CELF2: variants seen among roughly 807,000 people sequenced by gnomAD.
CELF2 encodes CUGBP Elav-like family member 2.
Under a neutral mutation model 62.6 loss-of-function variants are expected in CELF2, and 8 were observed. The ratio of observed to expected loss-of-function variants is 0.13; its 90% CI spans 0.07 to 0.23. The LOEUF is 0.23. CELF2 is among the 10% of genes least tolerant of loss of function. The probability of loss-of-function intolerance (pLI) is 1.00; values close to 1 mark genes in which losing one functional copy is unlikely to be tolerated. For missense variants in CELF2, 333 were observed against 671.0 expected (o/e 0.50, Z 5.56); for synonymous variants, 258 against 250.0 (o/e 1.03, Z -0.30).
At chr10:10,526,820 A>G in the CELF2 span, among the ~76,000 whole-genome samples, 2 of 152,246 alleles carry the variant, frequency 1.3e-5, no homozygotes, top group African/African-American at 4.8e-5. Flanking sequence ...TCCTTTCTAC[A>G]GAACGTTGTT....
At chr10:10,585,552 G>T in the CELF2 span, among the ~76,000 whole-genome samples, 2 of 152,170 alleles carry the variant, frequency 1.3e-5, no homozygotes. Context: ...CAGTATTTGT[G>T]CAACATTTAA....
At chr10:10,690,620 C>T in the CELF2 span, among the ~76,000 whole-genome samples, 1 of 152,150 alleles carries the variant, frequency 6.6e-6, no homozygotes, top group African/African-American at 2.4e-5. Context: ...TGGTGCATGC[C>T]TATAATCTCA....
At chr10:10,618,581 A>G in the CELF2 span, among the ~76,000 whole-genome samples, 1 of 152,056 alleles carries the variant, frequency 6.6e-6, no homozygotes, top group Non-Finnish European at 1.5e-5. Flanking sequence ...GGGCACTGAA[A>G]TGGCCTCTCA....
chr10:11,149,692 A>G lies in CELF2; in HGVS notation c.75-15794A>G, dbSNP rs1023955132. Among the ~76,000 whole-genome samples the G allele has an allele frequency of 3.9e-5, 6 of 152,170 alleles. No homozygotes were observed. The East Asian group carries it at 9.7e-4, about 24-fold the overall frequency. On this transcript the variant is annotated intron_variant, in intron 1 of 12. Coordinates refer to ENST00000633077, the MANE Select transcript of CELF2 (RefSeq NM_001326342.2). ...TTCTCATGTTCCTGTGTGCTGAGGT[A>G]GAACGTTTCCAAGCTGTCCACAGAG...
Position 11,165,089 on chromosome 10 carries a change from A to G in CELF2, c.75-397A>G, listed in dbSNP as rs1596457261. On this transcript the variant is annotated intron_variant, in intron 1 of 12. Coordinates refer to ENST00000633077, the MANE Select transcript of CELF2 (RefSeq NM_001326342.2). The surrounding 1 kb of genome is among the most constrained non-coding windows in gnomAD (Gnocchi z 7.4). ...AGGGAGAGAAATCCAGCAGACATCT[A>G]GCTCTGCCTTTCTTTCCCAGCCACA... The G allele has an allele frequency of 1.0e-6, 1 of 997,586 alleles. No individual in the cohort carries two copies. The highest frequency in any genetic ancestry group is 1.2e-6 in the Non-Finnish European group (1 of 837,190). The allele number at this position is 997,586 out of a possible 1,614,324, so 61.8% of individuals were successfully genotyped here. A position where few individuals can be genotyped will look rare whatever the true frequency, so the allele number is the denominator to read the frequency against.
chr10:11,049,558 TAAAAAAAAAA>T (rs368708381), intron 1 of CELF2, among the ~76,000 whole-genome samples: 5 of 96,898 alleles, frequency 5.2e-5, no homozygotes, highest in Non-Finnish European at 8.0e-5. Flanking sequence ...CTTTCTTTAG[TAAAAAAAAAA>T]AAAAAAAAAA....
At chr10:10,714,165 TC>T in the CELF2 span, among the ~76,000 whole-genome samples, 1 of 152,180 alleles carries the variant, frequency 6.6e-6, no homozygotes, top group African/African-American at 2.4e-5. Flanking sequence ...ATATTAAACA[TC>T]TTTTGGCCAC....
chr10:10,732,838 G>A, the CELF2 span, among the ~76,000 whole-genome samples: 2 of 151,994 alleles, frequency 1.3e-5, no homozygotes. Flanking sequence ...ATTCTTTTTT[G>A]TGGAAAAGTC....
At chr10:10,751,821 G>C in the CELF2 span, among the ~76,000 whole-genome samples, 1 of 152,168 alleles carries the variant, frequency 6.6e-6, no homozygotes, top group Non-Finnish European at 1.5e-5. Flanking sequence ...TTTCCAATTT[G>C]CGAATGGAAA....
intron 2 of CELF2, among the ~76,000 whole-genome samples, chr10:10,941,009 A>G (rs771067841): frequency 6.6e-6 from 1 of 152,142 alleles, no homozygotes; most frequent in African/African-American, 2.4e-5. Flanking sequence ...AGTCAGGGTG[A>G]TCTTTTATCT....
intron 2 of CELF2, among the ~76,000 whole-genome samples, chr10:10,976,801 CCT>C (rs759393593): frequency 6.6e-6 from 1 of 152,124 alleles, no homozygotes; most frequent in Non-Finnish European, 1.5e-5. Flanking sequence ...TGAAATTTCC[CCT>C]CTCTTCCCTC....
the CELF2 span, among the ~76,000 whole-genome samples, chr10:10,577,390 T>TATTATTATTATTATC: frequency 6.7e-6 from 1 of 148,262 alleles, no homozygotes; most frequent in African/African-American, 2.5e-5. Context: ...TTATTATTAT[T>TATTATTATTATTATC]ATTATACTTT....
At chr10:10,559,137 C>A in the CELF2 span, among the ~76,000 whole-genome samples, 4 of 152,180 alleles carry the variant, frequency 2.6e-5, no homozygotes, top group East Asian at 7.7e-4. Flanking sequence ...GGGCACAGAG[C>A]GGGCAAATTT....
the CELF2 span, among the ~76,000 whole-genome samples, chr10:10,728,533 G>A: frequency 6.6e-6 from 1 of 151,950 alleles, no homozygotes; most frequent in Non-Finnish European, 1.5e-5. Flanking sequence ...GGAAGGCCTG[G>A]CATTTGGCAC....
intron 1 of CELF2, among the ~76,000 whole-genome samples, chr10:11,032,168 A>AAAG (rs2060233366): frequency 7.0e-6 from 1 of 141,906 alleles, no homozygotes; most frequent in African/African-American, 2.6e-5. Flanking sequence ...AAAAAAAAAA[A>AAAG]AAATTGCTTC....
At position 11,244,651 on chromosome 10, in the gene CELF2, T is replaced by C. The variant is rs1181987315; in HGVS notation, c.355-4502T>C. ...TCCAGCCTAGGTGACAGAGCAAGAC[T>C]CCGTCTCAAAAAAAAAAAAACAGCA... On this transcript the variant is annotated intron_variant, in intron 3 of 12. Coordinates refer to ENST00000633077, the MANE Select transcript of CELF2 (RefSeq NM_001326342.2). This position sits in a 1 kb window ranked among gnomAD's most constrained non-coding sequence, Gnocchi z 4.2. Among the ~76,000 whole-genome samples, 13 of 99,956 alleles carry C rather than the reference T, an allele frequency of 1.3e-4. No individual in the cohort carries two copies. The highest frequency in any genetic ancestry group is 1.9e-4 in the Non-Finnish European group (9 of 48,460). 65.6% of individuals were successfully genotyped at this position (99,956 alleles called of 152,430 possible).
At chr10:11,119,864 T>TCTCCCCCC (rs1399108400) in intron 1 of CELF2, among the ~76,000 whole-genome samples, 29 of 112,136 alleles carry the variant, frequency 2.6e-4, no homozygotes, top group Non-Finnish European at 3.7e-4. Context: ...TGATTCCGCC[T>TCTCCCCCC]CCCCCCCCCC....
At chr10:11,288,623 G>C (rs2091920267) in intron 9 of CELF2, 71 bp downstream of exon 9, 1 of 1,559,426 alleles carries the variant, frequency 6.4e-7, no homozygotes, top group Non-Finnish European at 8.7e-7. Flanking sequence ...CGTGCCTCCA[G>C]GTGCGAGGGT....
the CELF2 span, among the ~76,000 whole-genome samples, chr10:10,574,432 T>C: frequency 6.6e-6 from 1 of 152,094 alleles, no homozygotes; most frequent in Non-Finnish European, 1.5e-5. Context: ...AAGCGAAGAA[T>C]AAAAAGCTAA....
Sources: allele counts gnomAD v4.1 joint callset (sites outside exome capture counted in the v4.1 genomes callset), GRCh38; gene constraint gnomAD v4.1.1; non-coding constraint Gnocchi (gnomAD v3.1); transcripts MANE v1.5; gene names NCBI Gene and HGNC (gene_info 2026-07-23, HGNC 2026-07-21).